Variants in G6PD observed in about 807,000 individuals in gnomAD.
G6PD encodes the protein glucose-6-phosphate dehydrogenase, also known as glucose-6-phosphate 1-dehydrogenase.
G6PD carries 2 observed loss-of-function variants against 38.2 expected under a neutral mutation model. The observed-to-expected ratio is 0.05, with a 90% CI of 0.02 to 0.16. The LOEUF is 0.16. Ranked by LOEUF, G6PD falls within the 10% of genes least tolerant of loss-of-function variation. G6PD has a pLI of 1.00. For missense variants in G6PD, 310 were observed against 471.6 expected, an observed-to-expected ratio of 0.66 and a Z score of 3.17; for synonymous variants, 188 against 196.0, an observed-to-expected ratio of 0.96 and a Z score of 0.34.
chrX:154,533,584 C>T lies in G6PD; in HGVS notation c.856G>A (p.Asp286Asn). The stretch of plus-strand genomic sequence containing the variant: ...TGGGGTGCACCCCCTACCTTCTCAT[C>T]ACGGACGTCATCTGAGTTGGTGGAG... ...PASTNSDDVR[D>N]EKVKVLKCIS... Residue 286 changes from aspartate (D) to asparagine (N), a missense_variant, in exon 8 of 13, where the codon GAT (aspartate) becomes AAT (asparagine). Around this residue, in one of 4 missense-constraint regions of G6PD, gnomAD observed 168 missense variants for 309.2 expected, o/e 0.54. Transcript: ENST00000393562. 1 of 1,212,141 alleles carries T rather than the reference C, an allele frequency of 8.2e-7. No homozygotes were observed. Among genetic ancestry groups the T allele is most frequent in the Non-Finnish European group, 1.1e-6 (1 of 895,510 alleles).
intron 1 of G6PD, 123 bp from the exon 2 acceptor site, chrX:154,546,286 C>T: frequency 4.2e-6 from 4 of 947,830 alleles, no homozygotes; most frequent in Non-Finnish European, 6.0e-6. Context: ...CAAATCACTC[C>T]TTGTGAACGG....
upstream of G6PD, chrX:154,547,403 T>C (rs2148355930): frequency 1.3e-6 from 1 of 754,343 alleles, no homozygotes; most frequent in East Asian, 1.5e-4. Context: ...GACGCCGCCG[T>C]CCGAGAGACG....
At chrX:154,544,932 G>C (rs782187243) in intron 2 of G6PD, among the ~76,000 whole-genome samples, 3 of 112,542 alleles carry the variant, frequency 2.7e-5, no homozygotes, top group Non-Finnish European at 5.6e-5. Flanking sequence ...AGTTTTGATA[G>C]AGCTCCTGCT....
rs782384607 is a variant in G6PD at position 154,534,008 on chromosome X, C to T, written c.770+27G>A. 7 of 1,211,558 alleles carry T rather than the reference C, an allele frequency of 5.8e-6. No individual in the cohort carries two copies. In the South Asian group the frequency reaches 7.0e-5, roughly 12 times the overall value. On this transcript the variant is annotated intron_variant, in intron 7 of 12. Coordinates refer to ENST00000393562, the MANE Select transcript of G6PD (RefSeq NM_001360016.2). The stretch of plus-strand genomic sequence containing the variant: ...ACTGGCTCTGCCACCCTGTGCCAGC[C>T]TCCCAGGAGAGAGGAAGAGCTCTCA...
chrX:154,537,182 G>A, intron 2 of G6PD, among the ~76,000 whole-genome samples: 1 of 111,802 alleles, frequency 8.9e-6, no homozygotes. Context: ...GCGGGTGTCT[G>A]TAGTCCCAGC....
At chrX:154,545,781 G>A (rs1199672801) in intron 2 of G6PD, 2 of 329,247 alleles carry the variant, frequency 6.1e-6, no homozygotes, top group Non-Finnish European at 1.1e-5. Context: ...GTTGCAGTGA[G>A]CCAAGATGGC....
At chrX:154,543,389 C>T (rs1021197969) in intron 2 of G6PD, among the ~76,000 whole-genome samples, 5 of 112,367 alleles carry the variant, frequency 4.4e-5, no homozygotes, top group Non-Finnish European at 9.4e-5. Context: ...CCTGGGCCCT[C>T]GTTTCAAAAG....
At chrX:154,535,005 G>A (rs1231484529) in intron 5 of G6PD, 163 bp downstream of exon 5, 8 of 536,064 alleles carry the variant, frequency 1.5e-5, no homozygotes, top group East Asian at 7.0e-5. Context: ...GCGGAAAGGC[G>A]GTGTTTCGTG....
At chrX:154,541,995 G>A (rs782407030) in intron 2 of G6PD, among the ~76,000 whole-genome samples, 3 of 112,114 alleles carry the variant, frequency 2.7e-5, no homozygotes, top group Non-Finnish European at 5.7e-5. Flanking sequence ...GGCCCAGCTG[G>A]TTCCTGGCCA....
Position 154,536,033 on chromosome X carries a change from C to A in G6PD, c.171G>T (p.Arg57=). The part of the protein sequence containing the change: ...KIYPTIWWLF[R]DGLLPENTFI... ...AGGTGTTTTCGGGCAGAAGGCCATCCCGGAACAGCCACCTGAGGGCAGGGC... is the reference window on the plus strand; with the variant it reads ...AGGTGTTTTCGGGCAGAAGGCCATCACGGAACAGCCACCTGAGGGCAGGGC... The change falls in exon 4 of 13, where the codon CGG becomes CGT. Residue 57 remains arginine, a synonymous_variant. Coordinates refer to ENST00000393562, the MANE Select transcript of G6PD (RefSeq NM_001360016.2). 8.3e-7 allele frequency: 1 copy of A among 1,211,413 alleles called. No individual in the cohort carries two copies. The highest frequency in any genetic ancestry group is 1.1e-6 in the Non-Finnish European group (1 of 894,974).
intron 5 of G6PD, 49 bp downstream of exon 5, chrX:154,535,119 G>A (rs1557230557): frequency 3.1e-5 from 35 of 1,132,567 alleles, no homozygotes; most frequent in Non-Finnish European, 3.9e-5. Context: ...TGGGAGCACT[G>A]CCTGGGCCAG....
intron 2 of G6PD, chrX:154,542,296 G>A (rs2070532804): frequency 8.6e-7 from 1 of 1,167,868 alleles, no homozygotes; most frequent in Non-Finnish European, 1.1e-6. Flanking sequence ...GGAAACTAAG[G>A]CCCAGAGAAG....
At position 154,535,154 on chromosome X, in the gene G6PD, A is replaced by G; in HGVS notation, c.485+14T>C. The G allele has an allele frequency of 8.3e-7, 1 of 1,206,834 alleles. No homozygotes were observed. The highest frequency in any genetic ancestry group is 1.8e-5 in the South Asian group (1 of 56,823). ...GCCTGGCAGGCGGGAAGGGAGGGCA[A>G]CGGCAAGCCTTACATCTGGCTCATG... On this transcript the variant is annotated intron_variant, in intron 5 of 12. Transcript: ENST00000393562.
Position 154,531,675 on chromosome X carries a change from A to C in G6PD, c.*325T>G, listed in dbSNP as rs2070336535. 5 of 234,806 alleles carry C rather than the reference A, an allele frequency of 2.1e-5. No individual in the cohort carries two copies. Among genetic ancestry groups the C allele is most frequent in the East Asian group, 1.1e-4 (1 of 9,254 alleles). 19.4% of individuals were successfully genotyped at this position (234,806 alleles called of 1,213,427 possible). ...CCCTCCCACCCTGGCCCCACTCAGGAGTGAGACCCAGTGGCCAATAAGCTC... is the reference window on the plus strand; with the variant it reads ...CCCTCCCACCCTGGCCCCACTCAGGCGTGAGACCCAGTGGCCAATAAGCTC... On this transcript the variant is annotated 3_prime_UTR_variant, in exon 13 of 13. Coordinates refer to ENST00000393562, the MANE Select transcript of G6PD (RefSeq NM_001360016.2).
chrX:154,532,875 G>C, intron 9 of G6PD, 67 bp downstream of exon 9: 1 of 1,203,753 alleles, frequency 8.3e-7, no homozygotes, highest in South Asian at 1.8e-5. Context: ...GTCTCAGTGG[G>C]AGCTCCAGTG....
chrX:154,535,657 C>G, intron 4 of G6PD: 1 of 448,790 alleles, frequency 2.2e-6, no homozygotes, highest in South Asian at 3.2e-5. Flanking sequence ...GATATTTTGA[C>G]CTGGGAGAAA....
rs990745079 is a variant in G6PD at position 154,536,128 on chromosome X, G to A, written c.158+13C>T. 81 of 1,209,362 alleles carry A rather than the reference G, an allele frequency of 6.7e-5. No individual in the cohort carries two copies. Among genetic ancestry groups the A allele is most frequent in the Non-Finnish European group, 8.8e-5 (79 of 894,184 alleles). The stretch of plus-strand genomic sequence containing the variant: ...GGCGGGAGGTCACAGGGGCAGTGGT[G>A]GGACACACTTACCAGATGGTGGGGT... On this transcript the variant is annotated intron_variant, in intron 3 of 12. Coordinates refer to ENST00000393562, the MANE Select transcript of G6PD (RefSeq NM_001360016.2).
intron 2 of G6PD, among the ~76,000 whole-genome samples, chrX:154,545,275 T>C (rs190769680): frequency 2.2e-3 from 245 of 111,768 alleles, no homozygotes; most frequent in Non-Finnish European, 4.0e-3. Context: ...AGCTCCTTGG[T>C]AGGCTTTCGA....
chrX:154,542,138 A>T, intron 2 of G6PD: 1 of 467,915 alleles, frequency 2.1e-6, no homozygotes, highest in Non-Finnish European at 3.6e-6. Context: ...TGACACAGCA[A>T]GAATCTTATC....
Sources: gnomAD v4.1 joint callset for allele counts (sites outside exome capture counted in the v4.1 genomes callset) on GRCh38, gnomAD v4.1.1 for gene constraint, gnomAD v4.1.1 regional missense constraint, MANE v1.5 for transcripts, NCBI Gene and HGNC (gene_info 2026-07-23, HGNC 2026-07-21) for gene names.